The following NUP98 variants were observed in gnomAD, a reference collection of about 807,000 sequenced individuals.
NUP98 encodes nuclear pore complex protein Nup98-Nup96.
NUP98 carries 26 observed loss-of-function variants against 191.9 expected under a neutral mutation model. The ratio of observed to expected loss-of-function variants is 0.14; its 90% CI spans 0.10 to 0.19. The LOEUF (loss-of-function observed/expected upper bound fraction) is 0.19. NUP98 is among the 10% of genes least tolerant of loss of function. The pLI is 1.00. For synonymous variants in NUP98, 808 were observed against 778.4 expected (o/e 1.04, Z -0.63); for missense variants, 1,941 against 2,178.8 (o/e 0.89, Z 2.17).
intron 28 of NUP98, 81 bp downstream of exon 28, chr11:3,691,266 T>C (rs1053954849): frequency 4.0e-6 from 6 of 1,507,956 alleles, no homozygotes; most frequent in African/African-American, 1.4e-5. Context: ...TGGGGACATA[T>C]AAAAGGGAAA....
intron 1 of NUP98, among the ~76,000 whole-genome samples, chr11:3,787,350 G>A (rs2082175652): frequency 6.6e-6 from 1 of 152,050 alleles, no homozygotes; most frequent in South Asian, 2.1e-4. Context: ...GGAAGGCCAA[G>A]GTGGGCAGAT....
chr11:3,738,086 T>TAAAAAAAAAA (rs1487198831), intron 12 of NUP98, among the ~76,000 whole-genome samples: 1 of 50,496 alleles, frequency 2.0e-5, no homozygotes, highest in African/African-American at 7.3e-5. Flanking sequence ...CTGGGCGTTC[T>TAAAAAAAAAA]CAAAAAAAAA....
At chr11:3,733,081 C>G (rs888334079) in intron 13 of NUP98, among the ~76,000 whole-genome samples, 1 of 152,198 alleles carries the variant, frequency 6.6e-6, no homozygotes, top group Non-Finnish European at 1.5e-5. Flanking sequence ...ACCGTTTTAA[C>G]GCATCTACTT....
rs1049576085 is a variant in NUP98, at chr11:3,675,272, G to T, written c.*887C>A. On this transcript the variant is annotated 3_prime_UTR_variant, in exon 33 of 33. Transcript: ENST00000324932. ...GCCTGCCCCTAACGCCCAACTCCAT[G>T]CCTGCCTCAGTCATGGTTTGTTTTT... is the stretch of plus-strand genomic sequence containing the variant. The T allele has an allele frequency of 4.6e-6, 1 of 218,826 alleles. No individual in the cohort carries two copies. The highest frequency in any genetic ancestry group is 9.2e-6 in the Non-Finnish European group (1 of 108,644). 13.6% of individuals were successfully genotyped at this position (218,826 alleles called of 1,614,324 possible).
intron 4 of NUP98, 82 bp from the exon 5 acceptor site, chr11:3,776,103 C>A: frequency 2.0e-6 from 2 of 991,164 alleles, no homozygotes; most frequent in Non-Finnish European, 3.1e-6. Context: ...GGCTATGGCA[C>A]TAGCATCACA....
intron 12 of NUP98, 152 bp downstream of exon 12, chr11:3,744,357 C>T (rs1242915142): frequency 2.7e-5 from 18 of 671,076 alleles, no homozygotes; most frequent in Middle Eastern, 3.6e-4. Flanking sequence ...AGGCCAGGAT[C>T]TATTAATAAG....
At chr11:3,730,688 A>T (rs2079810630) in intron 14 of NUP98, among the ~76,000 whole-genome samples, 1 of 152,076 alleles carries the variant, frequency 6.6e-6, no homozygotes, top group South Asian at 2.1e-4. Context: ...TTAGGGAAAG[A>T]AAGTTGTGTG....
In NUP98 at chr11:3,676,525, A is replaced by T. The variant is rs760593633; in HGVS notation, c.5169T>A (p.Asp1723Glu). ...IEQIQCYSAK[D>E]RLAQSDMAKR... is the part of the protein sequence containing the mutation. ...GAGGCTTACCTGACTGAGCCAGGCGATCTTTAGCACTGTAACACTGAATCT... is the reference window on the plus strand; with the variant it reads ...GAGGCTTACCTGACTGAGCCAGGCGTTCTTTAGCACTGTAACACTGAATCT... Residue 1723 changes from aspartate (D) to glutamate (E), a missense_variant, in exon 32 of 33, where the codon GAT becomes GAA. Physicochemically the swap from Asp to Glu is conservative, Grantham distance 45. This residue lies in a region of NUP98 where 1,030 missense variants were observed against 1,115.8 expected (regional missense o/e 0.92). Transcript: ENST00000324932. 1 of 1,614,108 alleles carries T rather than the reference A, an allele frequency of 6.2e-7. No individual in the cohort carries two copies. Among genetic ancestry groups the T allele is most frequent in the East Asian group, 2.2e-5 (1 of 44,884 alleles).
chr11:3,792,286 A>G (rs920425677), intron 1 of NUP98, among the ~76,000 whole-genome samples: 1 of 152,092 alleles, frequency 6.6e-6, no homozygotes, highest in African/African-American at 2.4e-5. Context: ...TGGAAACAGA[A>G]ACAACTGTAT....
chr11:3,706,274 C>A lies in NUP98; in HGVS notation c.2925+171G>T, dbSNP rs191649626. Among the ~76,000 whole-genome samples, 101 of 152,220 alleles carry A rather than the reference C, an allele frequency of 6.6e-4. No homozygotes were observed. The highest frequency in any genetic ancestry group is 3.1e-3 in the South Asian group (15 of 4,826). On this transcript the variant is annotated intron_variant, in intron 21 of 32. Transcript: ENST00000324932. ...ACTAGTTCTCAATATAGCCTTATCTCCTTGAATAAGAGAATGAGGCCCAGA... is the reference window on the plus strand; with the variant it reads ...ACTAGTTCTCAATATAGCCTTATCTACTTGAATAAGAGAATGAGGCCCAGA...
Position 3,677,353 on chromosome 11 carries a change from T to C in NUP98, c.5074-733A>G, listed in dbSNP as rs531285383. On this transcript the variant is annotated intron_variant, in intron 31 of 32. Transcript: ENST00000324932. ...CAAAGGAGATTTACATGGTGACATG[T>C]AGGGTAAGGAGAAGAAGCAGAACAA... 6.5e-4 allele frequency among the ~76,000 whole-genome samples: 98 copies of C among 150,606 alleles called. 1 individual carries two copies. Among genetic ancestry groups the C allele is most frequent in the African/African-American group, 2.1e-3 (86 of 41,108 alleles).
chr11:3,716,337 A>T (rs889919719), intron 18 of NUP98, among the ~76,000 whole-genome samples: 10 of 150,628 alleles, frequency 6.6e-5, no homozygotes, highest in African/African-American at 2.2e-4. Context: ...CCGATCAAAT[A>T]ATTTTTTTTT....
intron 1 of NUP98, among the ~76,000 whole-genome samples, chr11:3,787,289 T>C (rs2082173268): frequency 6.6e-6 from 1 of 152,158 alleles, no homozygotes; most frequent in Non-Finnish European, 1.5e-5. Flanking sequence ...GAACATCATA[T>C]CCTCTCTAAG....
rs759765808 is a variant in NUP98 at position 3,706,550 on chromosome 11, T to C, written c.2820A>G (p.Pro940=). The change falls in exon 21 of 33, where the codon CCA becomes CCG. Residue 940 remains proline (P), a synonymous_variant. Transcript: ENST00000324932. ...DSDMVDITQE[P]VLDTMLEESM... is the part of the protein sequence containing the mutation. ...TCTCTTCTAACATGGTATCCAAAAC[T>C]GGCTCCTGGGTGATATCTACCATGT... 3 of 1,614,168 alleles carry C rather than the reference T, an allele frequency of 1.9e-6. No homozygotes were observed. The highest frequency in any genetic ancestry group is 2.5e-6 in the Non-Finnish European group (3 of 1,180,006).
At position 3,690,526 on chromosome 11, in the gene NUP98, C is replaced by T. The variant is rs112872328; in HGVS notation, c.4454+821G>A. ...CCGCACACCTTGGCCTCCAAAAATG[C>T]TGGGATTACAGGCGTGAGCCACCGC... is the stretch of plus-strand genomic sequence containing the variant. On this transcript the variant is annotated intron_variant, in intron 28 of 32. Transcript: ENST00000324932. Among the ~76,000 whole-genome samples, 766 of 152,216 alleles carry T rather than the reference C, an allele frequency of 5.0e-3. 4 individuals carry two copies. Among genetic ancestry groups the T allele is most frequent in the African/African-American group, 0.018 (733 of 41,546 alleles).
intron 12 of NUP98, among the ~76,000 whole-genome samples, chr11:3,739,283 T>G (rs1359669073): frequency 6.6e-6 from 1 of 152,212 alleles, no homozygotes; most frequent in East Asian, 1.9e-4. Flanking sequence ...AGAGTCTTGC[T>G]GTGTCACTCA....
intron 30 of NUP98, 31 bp downstream of exon 30, chr11:3,683,168 TG>T: frequency 6.2e-7 from 1 of 1,611,792 alleles, no homozygotes; most frequent in Non-Finnish European, 8.5e-7. Context: ...GAATTTGGGG[TG>T]ATTCCAGGAG....
At chr11:3,734,634 A>G (rs1272996243) in intron 13 of NUP98, among the ~76,000 whole-genome samples, 1 of 152,244 alleles carries the variant, frequency 6.6e-6, no homozygotes, top group African/African-American at 2.4e-5. Context: ...GTAAAAGATC[A>G]TGTTTTTACA....
chr11:3,766,004 C>CTCACTT lies in NUP98; in HGVS notation c.948+2571_948+2576dup, dbSNP rs140467406. Among the ~76,000 whole-genome samples the CTCACTT allele has an allele frequency of 6.6e-3, 1,004 of 152,202 alleles. 13 individuals are homozygous for CTCACTT. Among genetic ancestry groups the CTCACTT allele is most frequent in the African/African-American group, 0.023 (970 of 41,532 alleles). On this transcript the variant is annotated intron_variant, in intron 8 of 32. Coordinates refer to ENST00000324932, the MANE Select transcript of NUP98 (RefSeq NM_016320.5). ...AAATGTGAGGGTTTATTTCTGGACT[C>CTCACTT]TCACTTCTATTCAATTGGTCTATGT...
Sources: allele counts gnomAD v4.1 joint callset (sites outside exome capture counted in the v4.1 genomes callset), GRCh38; gene constraint gnomAD v4.1.1; regional missense constraint gnomAD v4.1.1; transcripts MANE v1.5; gene names NCBI Gene and HGNC (gene_info 2026-07-23, HGNC 2026-07-21).